The following TMEM74 variants were observed in gnomAD, a reference collection of about 807,000 sequenced individuals.
The protein encoded by TMEM74 is transmembrane protein 74.
TMEM74 carries 13 observed loss-of-function variants against 18.1 expected under a neutral mutation model. The ratio of observed to expected loss-of-function variants is 0.72; its 90% confidence interval spans 0.47 to 1.14. TMEM74 has a LOEUF of 1.14. Ranked by LOEUF, TMEM74 falls within the 50% of genes most tolerant of loss-of-function variation. The pLI, the probability that TMEM74 is intolerant of heterozygous loss-of-function variation, is 0.00. For synonymous variants in TMEM74, 159 were observed against 146.6 expected, an observed-to-expected ratio of 1.08 and a Z score of -0.61; for missense variants, 372 against 375.9, an observed-to-expected ratio of 0.99 and a Z score of 0.09.
At chr8:108,624,145 C>A (rs1470392087) in intron 2 of TMEM74, among the ~76,000 whole-genome samples, 5 of 152,038 alleles carry the variant, frequency 3.3e-5, no homozygotes, top group African/African-American at 1.2e-4. Context: ...TAAAACAAAT[C>A]AGAATTTTGA....
chr8:108,683,494 T>C (rs961499369), intron 1 of TMEM74, among the ~76,000 whole-genome samples: 2 of 151,868 alleles, frequency 1.3e-5, no homozygotes, highest in African/African-American at 4.8e-5. Flanking sequence ...ATTAATATAA[T>C]TTACTAAATT....
At chr8:108,748,193 G>A (rs996386372) in intron 1 of TMEM74, among the ~76,000 whole-genome samples, 1 of 152,090 alleles carries the variant, frequency 6.6e-6, no homozygotes, top group Non-Finnish European at 1.5e-5. Context: ...GTGTAAAAGT[G>A]TTGCTTTTTC....
intron 1 of TMEM74, among the ~76,000 whole-genome samples, chr8:108,669,866 C>T (rs1315796193): frequency 6.6e-6 from 1 of 151,684 alleles, no homozygotes; most frequent in Non-Finnish European, 1.5e-5. Flanking sequence ...GGTGAAACCC[C>T]ATCTCTACTA....
At chr8:108,740,239 T>C (rs1482827570) in intron 1 of TMEM74, among the ~76,000 whole-genome samples, 2 of 152,134 alleles carry the variant, frequency 1.3e-5, no homozygotes, top group Non-Finnish European at 2.9e-5. Flanking sequence ...GTGGCTAACA[T>C]GGGGTTTCTC....
At chr8:108,678,172 T>C (rs1813073067) in intron 1 of TMEM74, among the ~76,000 whole-genome samples, 1 of 152,186 alleles carries the variant, frequency 6.6e-6, no homozygotes, top group Non-Finnish European at 1.5e-5. Context: ...TTATCTCTTT[T>C]CATAACTTTT....
intron 2 of TMEM74, among the ~76,000 whole-genome samples, chr8:108,645,158 A>G (rs139721462): frequency 6.6e-6 from 1 of 152,310 alleles, no homozygotes; most frequent in East Asian, 1.9e-4. Flanking sequence ...TACACCATGG[A>G]ATACTACACG....
Position 108,703,180 on chromosome 8 carries a change from C to T in TMEM74, n.120-47743G>A, listed in dbSNP as rs571830874. ...CAGTTTTGGAACAAAGCAATCAAGG[C>T]TACCCTTAAGGAAGTTCATATAGGA... is the stretch of plus-strand genomic sequence containing the variant. On this transcript the variant is annotated intron_variant and non_coding_transcript_variant, in intron 1 of 3. Coordinates refer to the TMEM74 transcript ENST00000518838. 5.1e-4 allele frequency among the ~76,000 whole-genome samples: 78 copies of T among 152,294 alleles called. 1 individual carries two copies. The highest frequency in any genetic ancestry group is 1.9e-3 in the African/African-American group (77 of 41,572).
intron 1 of TMEM74, among the ~76,000 whole-genome samples, chr8:108,760,793 G>A (rs969132738): frequency 6.6e-6 from 1 of 151,966 alleles, no homozygotes; most frequent in African/African-American, 2.4e-5. Flanking sequence ...GAACCTGTGA[G>A]TGCTACAACC....
chr8:108,646,898 C>A (rs1394118157), intron 2 of TMEM74, among the ~76,000 whole-genome samples: 1 of 152,072 alleles, frequency 6.6e-6, no homozygotes, highest in Admixed American at 6.6e-5. Context: ...TGGAGAATAA[C>A]ACAGGGGTGG....
At chr8:108,665,130 G>C (rs766571436) in intron 1 of TMEM74, among the ~76,000 whole-genome samples, 1 of 152,036 alleles carries the variant, frequency 6.6e-6, no homozygotes, top group Non-Finnish European at 1.5e-5. Context: ...AATTACAGTG[G>C]AACAAGCCAA....
intron 1 of TMEM74, among the ~76,000 whole-genome samples, chr8:108,691,836 CTT>C (rs1486805166): frequency 6.6e-6 from 1 of 152,132 alleles, no homozygotes; most frequent in Non-Finnish European, 1.5e-5. Context: ...GGAAATTGCT[CTT>C]TTTACATAGT....
At chr8:108,692,962 A>G (rs1246400122) in intron 1 of TMEM74, among the ~76,000 whole-genome samples, 2 of 151,944 alleles carry the variant, frequency 1.3e-5, no homozygotes, top group African/African-American at 4.9e-5. Flanking sequence ...AAGGGAACAC[A>G]GTAAAAAATA....
chr8:108,737,258 C>T (rs982934722), intron 1 of TMEM74, among the ~76,000 whole-genome samples: 1 of 152,122 alleles, frequency 6.6e-6, no homozygotes, highest in South Asian at 2.1e-4. Context: ...TCTTAGGGTA[C>T]TGATGAGGAC....
intron 1 of TMEM74, among the ~76,000 whole-genome samples, chr8:108,759,114 A>C (rs564158895): frequency 2.2e-4 from 33 of 152,098 alleles, no homozygotes; most frequent in Non-Finnish European, 4.6e-4. Flanking sequence ...TGTGGGAATA[A>C]TAAATTTAAT....
chr8:108,654,173 C>A (rs191006482), intron 2 of TMEM74, among the ~76,000 whole-genome samples: 4 of 151,914 alleles, frequency 2.6e-5, no homozygotes, highest in Admixed American at 1.3e-4. Context: ...TGGAAAATAA[C>A]AATAAAGATG....
At chr8:108,668,536 G>A (rs923419398) in intron 1 of TMEM74, among the ~76,000 whole-genome samples, 2 of 152,116 alleles carry the variant, frequency 1.3e-5, no homozygotes, top group African/African-American at 2.4e-5. Flanking sequence ...TACTGGCCCT[G>A]TGAGATAAGC....
intron 2 of TMEM74, among the ~76,000 whole-genome samples, chr8:108,615,846 G>A (rs1004658463): frequency 3.7e-5 from 3 of 80,476 alleles, no homozygotes; most frequent in Admixed American, 1.3e-4. Flanking sequence ...TTTTTTTGGC[G>A]TGATCTCACT....
intron 1 of TMEM74, among the ~76,000 whole-genome samples, chr8:108,672,795 T>C (rs888142900): frequency 1.3e-5 from 2 of 152,198 alleles, no homozygotes; most frequent in African/African-American, 4.8e-5. Flanking sequence ...TAAATAACTT[T>C]ACATTCACAA....
intron 1 of TMEM74, among the ~76,000 whole-genome samples, chr8:108,686,125 T>G (rs1369998353): frequency 6.6e-6 from 1 of 152,120 alleles, no homozygotes; most frequent in Non-Finnish European, 1.5e-5. Context: ...AACAAAAAAA[T>G]GCAAGAATAT....
Sources: gnomAD v4.1 joint callset for allele counts (sites outside exome capture counted in the v4.1 genomes callset) on GRCh38, gnomAD v4.1.1 for gene constraint, MANE v1.5 for transcripts, NCBI Gene and HGNC (gene_info 2026-07-23, HGNC 2026-07-21) for gene names.